The following RNF6 variants were observed in gnomAD, a reference collection of about 807,000 sequenced individuals.
RNF6 encodes the protein ring finger protein 6, also known as E3 ubiquitin-protein ligase RNF6.
A neutral mutation model predicts 50.1 loss-of-function variants in RNF6; 21 were observed. The observed-to-expected ratio is 0.42, with a 90% confidence interval of 0.30 to 0.60. RNF6 has a LOEUF of 0.60. Among genes scored for constraint, RNF6 ranks in the 20% least tolerant of loss-of-function variants. The pLI is 0.20. For missense variants in RNF6, 698 were observed against 838.2 expected (o/e 0.83, Z 2.07); for synonymous variants, 255 against 291.8 (o/e 0.87, Z 1.29).
In RNF6 at chr13:26,133,902, G is replaced by T. The variant is rs117393781; in HGVS notation, n.769-1451C>A. Among the ~76,000 whole-genome samples, 8 of 152,110 alleles carry T rather than the reference G, an allele frequency of 5.3e-5. No individual in the cohort carries two copies. In the East Asian group the frequency reaches 1.5e-3, roughly 29 times the overall value. On this transcript the variant is annotated intron_variant and non_coding_transcript_variant, in intron 5 of 5. Transcript: ENST00000468480. ...CTTCCTGGTTTTTGATATATATGAC[G>T]AAGATTTTCAATTGAAACCTAGATG...
chr13:26,179,569 C>A (rs751444608), intron 5 of RNF6, among the ~76,000 whole-genome samples: 4 of 152,172 alleles, frequency 2.6e-5, no homozygotes, highest in Admixed American at 6.5e-5. Flanking sequence ...TCTTATCTCA[C>A]GGCTCTGCAT....
chr13:26,170,029 A>G (rs545423741), intron 5 of RNF6, among the ~76,000 whole-genome samples: 109 of 152,342 alleles, frequency 7.2e-4, no homozygotes, highest in East Asian at 1.9e-4. Flanking sequence ...CAAAAAGATT[A>G]AAGTGAGTTT....
chr13:26,177,810 G>C (rs1290705059), intron 5 of RNF6, among the ~76,000 whole-genome samples: 1 of 152,330 alleles, frequency 6.6e-6, no homozygotes, highest in Admixed American at 6.5e-5. Flanking sequence ...ATTGGTGCAA[G>C]AGCCTCCCAG....
intron 5 of RNF6, among the ~76,000 whole-genome samples, chr13:26,186,502 T>C (rs958792808): frequency 4.6e-5 from 7 of 152,160 alleles, no homozygotes; most frequent in Non-Finnish European, 1.0e-4. Flanking sequence ...GCGGAGACGC[T>C]TCGGAGCAGG....
chr13:26,132,739 C>A (rs570695971), intron 5 of RNF6, among the ~76,000 whole-genome samples: 1 of 152,258 alleles, frequency 6.6e-6, no homozygotes, highest in African/African-American at 2.4e-5. Context: ...TCACCATGAC[C>A]GTATAACATT....
intron 5 of RNF6, among the ~76,000 whole-genome samples, chr13:26,175,269 C>T (rs1156254744): frequency 2.6e-5 from 4 of 152,072 alleles, no homozygotes; most frequent in Non-Finnish European, 5.9e-5. Flanking sequence ...TTAGTAGAGA[C>T]GGGGTTTGGC....
rs568417223 is a variant in RNF6 at position 26,179,299 on chromosome 13, A to G, written n.768+36175T>C. Among the ~76,000 whole-genome samples, 5 of 152,330 alleles carry G rather than the reference A, an allele frequency of 3.3e-5. No individual in the cohort carries two copies. In the South Asian group the frequency reaches 1.0e-3, roughly 32 times the overall value. ...ACAAGTCAGGCAAAGAAAATGTATT[A>G]CCCACAGATAGACAGCAAGAATCAA... On this transcript the variant is annotated intron_variant and non_coding_transcript_variant, in intron 5 of 5. Transcript: ENST00000468480.
chr13:26,215,682 ATAAAT>A, intron 4 of RNF6, 90 bp from the exon 5 acceptor site: 1 of 1,151,748 alleles, frequency 8.7e-7, no homozygotes, highest in African/African-American at 1.6e-5. Context: ...AAAGTTTGTA[ATAAAT>A]TAAAGAACAT....
chr13:26,179,931 G>A (rs926225582), intron 5 of RNF6, among the ~76,000 whole-genome samples: 2 of 152,206 alleles, frequency 1.3e-5, no homozygotes, highest in African/African-American at 4.8e-5. Context: ...GTCAAGGCAA[G>A]AAGTTGCTAA....
chr13:26,170,896 A>G (rs1872669898), intron 5 of RNF6, among the ~76,000 whole-genome samples: 1 of 152,154 alleles, frequency 6.6e-6, no homozygotes, highest in Non-Finnish European at 1.5e-5. Context: ...ACCTTACATC[A>G]TCTACAAAAA....
rs535981526 is a variant in RNF6 at position 26,214,861 on chromosome 13, C to G, written c.1021G>C (p.Val341Leu). Residue 341 changes from valine to leucine, a missense_variant, in exon 5 of 5, where the codon GTT becomes CTT. By Grantham distance (32) the Val-to-Leu change is conservative (BLOSUM62 1). Coordinates refer to ENST00000381588, the MANE Select transcript of RNF6 (RefSeq NM_005977.4). Reference sequence around the variant, plus strand: ...ACTCGAGTTCTACCTCTCCTCCTAACAGATCTTCTAGTGGTTTGCTGTACT... The same window carrying G: ...ACTCGAGTTCTACCTCTCCTCCTAAGAGATCTTCTAGTGGTTTGCTGTACT... ...RPVQQTTRRSVRRRGRTRVFL... is the reference protein window; with the variant it reads ...RPVQQTTRRSLRRRGRTRVFL... The G allele has an allele frequency of 3.7e-5, 60 of 1,614,226 alleles. 1 individual carries two copies. The Admixed American group carries it at 6.0e-4, about 16-fold the overall frequency.
chr13:26,155,546 C>T (rs1311537029), intron 5 of RNF6, among the ~76,000 whole-genome samples: 1 of 152,154 alleles, frequency 6.6e-6, no homozygotes. Context: ...AGAGAGCAAA[C>T]AGGCTTTACT....
intron 5 of RNF6, among the ~76,000 whole-genome samples, chr13:26,203,032 T>C (rs1161229617): frequency 2.6e-5 from 4 of 152,238 alleles, no homozygotes; most frequent in East Asian, 1.9e-4. Flanking sequence ...ATTTTACAAA[T>C]GGAAAAACAG....
At chr13:26,192,256 A>G (rs1436441090) in intron 5 of RNF6, among the ~76,000 whole-genome samples, 1 of 152,258 alleles carries the variant, frequency 6.6e-6, no homozygotes, top group African/African-American at 2.4e-5. Flanking sequence ...AGGCCACCAC[A>G]ATAATCCAGT....
At chr13:26,177,910 G>A (rs1312183747) in intron 5 of RNF6, among the ~76,000 whole-genome samples, 2 of 152,184 alleles carry the variant, frequency 1.3e-5, no homozygotes, top group Non-Finnish European at 2.9e-5. Flanking sequence ...TGTCAACTGG[G>A]TGCAGTGGCT....
intron 5 of RNF6, among the ~76,000 whole-genome samples, chr13:26,137,502 T>C (rs1006338713): frequency 3.7e-4 from 57 of 152,054 alleles, no homozygotes; most frequent in African/African-American, 1.3e-3. Context: ...ATAGAAATTG[T>C]CTCAAAGTCT....
At chr13:26,219,411 TCTAAA>T in intron 3 of RNF6, 41 bp downstream of exon 3, 1 of 1,424,858 alleles carries the variant, frequency 7.0e-7, no homozygotes, top group African/African-American at 1.4e-5. Context: ...AATCCTTCCA[TCTAAA>T]TGATGAAAAA....
At chr13:26,196,541 G>A (rs1177109589) in intron 5 of RNF6, among the ~76,000 whole-genome samples, 1 of 151,962 alleles carries the variant, frequency 6.6e-6, no homozygotes, top group Admixed American at 6.6e-5. Context: ...GCTGAAGCAG[G>A]AGAATTGCTT....
intron 5 of RNF6, among the ~76,000 whole-genome samples, chr13:26,203,083 C>A (rs1269652058): frequency 1.3e-5 from 2 of 152,250 alleles, no homozygotes; most frequent in Admixed American, 1.3e-4. Flanking sequence ...GCCTCCAAAC[C>A]ATTATGTGGC....
Sources: gnomAD v4.1 joint callset for allele counts (sites outside exome capture counted in the v4.1 genomes callset) on GRCh38, gnomAD v4.1.1 for gene constraint, MANE v1.5 for transcripts, NCBI Gene and HGNC (gene_info 2026-07-23, HGNC 2026-07-21) for gene names.